Variants in FOXN3 observed in about 807,000 individuals in gnomAD.
FOXN3 encodes forkhead box protein N3.
Under a neutral mutation model 38.4 loss-of-function variants are expected in FOXN3, and 7 were observed. That is an observed-to-expected ratio of 0.18 (90% CI 0.10 to 0.34). The LOEUF (loss-of-function observed/expected upper bound fraction) is 0.34. Ranked by LOEUF, FOXN3 falls within the 10% of genes least tolerant of loss-of-function variation. FOXN3 has a pLI of 1.00. For synonymous variants in FOXN3, 230 were observed against 242.2 expected (o/e 0.95, Z 0.47); for missense variants, 456 against 613.4 (o/e 0.74, Z 2.71).
intron 1 of FOXN3, among the ~76,000 whole-genome samples, chr14:89,563,363 T>G (rs1299279240): frequency 6.6e-6 from 1 of 152,186 alleles, no homozygotes; most frequent in Non-Finnish European, 1.5e-5. Flanking sequence ...AGAACCGCAG[T>G]GAGGCAGACA....
At chr14:89,441,085 G>C (rs142467237) in intron 1 of FOXN3, among the ~76,000 whole-genome samples, 15 of 152,074 alleles carry the variant, frequency 9.9e-5, no homozygotes, top group Non-Finnish European at 1.8e-4. Context: ...CCGAGGCTCC[G>C]GCTTCCCTTC....
At chr14:89,356,573 G>A (rs1263291518) in intron 2 of FOXN3, 2 of 152,180 alleles carry the variant, frequency 1.3e-5, no homozygotes, top group Admixed American at 1.3e-4. Context: ...AAAACGAAAT[G>A]GAGTGGGGAG....
intron 2 of FOXN3, among the ~76,000 whole-genome samples, chr14:89,398,446 C>T (rs2105147): frequency 0.19 from 29,020 of 151,986 alleles, 2,923 homozygotes; most frequent in South Asian, 0.39. Context: ...ACTTTGAGGG[C>T]AGCTGACAGG....
intron 4 of FOXN3, among the ~76,000 whole-genome samples, chr14:89,279,647 A>C (rs1212853580): frequency 6.6e-6 from 1 of 152,144 alleles, no homozygotes; most frequent in Non-Finnish European, 1.5e-5. Flanking sequence ...TTATGTGTTA[A>C]TTTTTGAGAG....
chr14:89,286,844 C>T (rs964543369), intron 3 of FOXN3, among the ~76,000 whole-genome samples: 17 of 152,112 alleles, frequency 1.1e-4, no homozygotes, highest in African/African-American at 3.9e-4. Context: ...AGAAGCATCA[C>T]TAAGAACACA....
At chr14:89,590,719 T>C (rs555336677) in intron 1 of FOXN3, among the ~76,000 whole-genome samples, 64 of 152,256 alleles carry the variant, frequency 4.2e-4, no homozygotes, top group African/African-American at 1.5e-3. Context: ...AAGAAGGACA[T>C]AGAAACCAGA....
chr14:89,168,028 C>A (rs1287132400), intron 5 of FOXN3, among the ~76,000 whole-genome samples: 1 of 152,176 alleles, frequency 6.6e-6, no homozygotes, highest in East Asian at 1.9e-4. Flanking sequence ...TCTGAAAGAA[C>A]ATACTTTAAA....
intron 4 of FOXN3, among the ~76,000 whole-genome samples, chr14:89,184,886 G>A (rs1028570997): frequency 7.9e-5 from 12 of 152,164 alleles, no homozygotes; most frequent in African/African-American, 2.9e-4. Context: ...GGCTGAAAGG[G>A]GTCCGGACAT....
At position 89,163,574 on chromosome 14, in the gene FOXN3, C is replaced by T. The variant is rs766889305; in HGVS notation, c.852-605G>A. On this transcript the variant is annotated intron_variant, in intron 5 of 5. Transcript: ENST00000557258. The surrounding 1 kb of genome is among the most constrained non-coding windows in gnomAD (Gnocchi z 4.3). ...CTGGGGGAGGGACACGGGGTTGGAT[C>T]GGATATAGACACTGCCACAGCGATG... Among the ~76,000 whole-genome samples the T allele has an allele frequency of 6.6e-6, 1 of 152,112 alleles. No individual in the cohort carries two copies. Among genetic ancestry groups the T allele is most frequent in the African/African-American group, 2.4e-5 (1 of 41,402 alleles).
intron 1 of FOXN3, among the ~76,000 whole-genome samples, chr14:89,606,359 A>ATGCC (rs1369327662): frequency 2.0e-5 from 3 of 152,196 alleles, no homozygotes; most frequent in Non-Finnish European, 4.4e-5. Context: ...TATACAGACT[A>ATGCC]TGCCAGATAA....
At chr14:89,421,152 T>C (rs1363355325), upstream of FOXN3, among the ~76,000 whole-genome samples, 6 of 147,996 alleles carry the variant, frequency 4.1e-5, no homozygotes, top group South Asian at 1.1e-3. Context: ...TTTCTTTTTT[T>C]TTTTTTTTTT....
intron 1 of FOXN3, among the ~76,000 whole-genome samples, chr14:89,496,850 C>T (rs539062865): frequency 6.6e-6 from 1 of 152,338 alleles, no homozygotes; most frequent in East Asian, 1.9e-4. Flanking sequence ...TTTGACTCTT[C>T]TACCTCATAA....
chr14:89,362,395 T>A (rs1187971635), intron 2 of FOXN3, among the ~76,000 whole-genome samples: 1 of 1,522 alleles, frequency 6.6e-4, no homozygotes, highest in African/African-American at 9.3e-4. Context: ...CACCACCACC[T>A]CCAGCACCAC....
At chr14:89,430,888 G>C (rs1892141051) in intron 1 of FOXN3, among the ~76,000 whole-genome samples, 1 of 152,224 alleles carries the variant, frequency 6.6e-6, no homozygotes, top group Non-Finnish European at 1.5e-5. Flanking sequence ...TTGTAGGGGT[G>C]AAATGAATGG....
chr14:89,500,945 T>C (rs543867732), intron 1 of FOXN3, among the ~76,000 whole-genome samples: 4 of 152,330 alleles, frequency 2.6e-5, no homozygotes, highest in Non-Finnish European at 5.9e-5. Flanking sequence ...ACAGTGAAGT[T>C]TGCTTTAAAT....
chr14:89,496,462 G>C (rs905824231), intron 1 of FOXN3, among the ~76,000 whole-genome samples: 2 of 151,916 alleles, frequency 1.3e-5, no homozygotes, highest in African/African-American at 2.4e-5. Context: ...CCCAAGTCCT[G>C]ACACCACTCC....
At chr14:89,269,568 A>G (rs576479821) in intron 4 of FOXN3, among the ~76,000 whole-genome samples, 19 of 151,876 alleles carry the variant, frequency 1.3e-4, no homozygotes, top group African/African-American at 4.6e-4. Context: ...TTTACAGATA[A>G]CATTCATAGG....
intron 3 of FOXN3, among the ~76,000 whole-genome samples, chr14:89,281,406 A>G (rs1886457288): frequency 1.3e-5 from 2 of 152,220 alleles, no homozygotes; most frequent in South Asian, 4.1e-4. Flanking sequence ...GGGTTTTCCA[A>G]CACTTCCTGG....
chr14:89,311,106 A>T (rs1218819880), intron 3 of FOXN3, among the ~76,000 whole-genome samples: 3 of 67,906 alleles, frequency 4.4e-5, no homozygotes, highest in African/African-American at 2.0e-4. Flanking sequence ...AACTCCGTCT[A>T]AAAAAAAAAA....
Sources: gnomAD v4.1 joint callset for allele counts (sites outside exome capture counted in the v4.1 genomes callset) on GRCh38, gnomAD v4.1.1 for gene constraint, Gnocchi (gnomAD v3.1) non-coding constraint, MANE v1.5 for transcripts, NCBI Gene and HGNC (gene_info 2026-07-23, HGNC 2026-07-21) for gene names.